CD163L1: variants seen among roughly 807,000 people sequenced by gnomAD.
The protein encoded by CD163L1 is CD163 molecule like 1.
A neutral mutation model predicts 165.4 loss-of-function variants in CD163L1; 124 were observed. That is an observed-to-expected ratio of 0.75 (90% CI 0.65 to 0.87). CD163L1 has a LOEUF of 0.87. Among genes scored for constraint, CD163L1 ranks in the 40% least tolerant of loss-of-function variants. CD163L1 has a pLI of 0.00. For synonymous variants in CD163L1, 585 were observed against 662.2 expected, an observed-to-expected ratio of 0.88 and a Z score of 1.79; for missense variants, 1,525 against 1,799.9, an observed-to-expected ratio of 0.85 and a Z score of 2.76.
the CD163L1 span, chr12:7,324,610 T>A: frequency 6.2e-7 from 1 of 1,612,734 alleles, no homozygotes. Flanking sequence ...TAGATGAATG[T>A]CATTTATTAA....
chr12:7,351,937 G>A (rs749653356), downstream of CD163L1, among the ~76,000 whole-genome samples: 29 of 152,068 alleles, frequency 1.9e-4, no homozygotes, highest in Non-Finnish European at 3.7e-4. Flanking sequence ...TTAGCAATAG[G>A]CTATAATCAT....
intron 2 of CD163L1, among the ~76,000 whole-genome samples, chr12:7,436,645 A>T (rs1948717236): frequency 6.6e-6 from 1 of 152,114 alleles, no homozygotes; most frequent in African/African-American, 2.4e-5. Flanking sequence ...AGTGGCACAC[A>T]TCTGTAGCTG....
intron 4 of CD163L1, among the ~76,000 whole-genome samples, chr12:7,416,430 C>G (rs1483483861): frequency 1.3e-5 from 2 of 152,074 alleles, no homozygotes; most frequent in African/African-American, 4.8e-5. Context: ...TAATTAGATC[C>G]CATTTGTCAA....
At chr12:7,434,020 A>C (rs1161972361) in intron 2 of CD163L1, among the ~76,000 whole-genome samples, 1 of 152,190 alleles carries the variant, frequency 6.6e-6, no homozygotes, top group Non-Finnish European at 1.5e-5. Flanking sequence ...GAATGAAAGA[A>C]AGTCCCTTGG....
chr12:7,430,502 G>A (rs1948610393), intron 4 of CD163L1, among the ~76,000 whole-genome samples: 3 of 152,228 alleles, frequency 2.0e-5, no homozygotes, highest in Admixed American at 2.0e-4. Flanking sequence ...AAATTAACCA[G>A]TTAAAACATA....
At position 7,357,499 on chromosome 12, in the gene CD163L1, C is replaced by A. The variant is rs1412625099; in HGVS notation, c.4280-13G>T. The stretch of plus-strand genomic sequence containing the variant: ...TTGGGGGTGTCATCTGAAAGAAAGG[C>A]AAAATCTGTATTATTGAATAGTAGA... On this transcript the variant is annotated splice_polypyrimidine_tract_variant and intron_variant, in intron 18 of 19. Coordinates refer to ENST00000313599, the MANE Select transcript of CD163L1 (RefSeq NM_174941.6). 6.2e-7 allele frequency: 1 copy of A among 1,610,510 alleles called. No homozygotes were observed. The highest frequency in any genetic ancestry group is 1.3e-5 in the African/African-American group (1 of 74,754).
chr12:7,373,755 C>T, intron 13 of CD163L1, 115 bp from the exon 14 acceptor site: 1 of 837,806 alleles, frequency 1.2e-6, no homozygotes, highest in Non-Finnish European at 1.8e-6. Flanking sequence ...AATACAATTT[C>T]ATAAATCACT....
At chr12:7,399,237 ATTC>A (rs1239439596) in intron 6 of CD163L1, among the ~76,000 whole-genome samples, 1 of 113,460 alleles carries the variant, frequency 8.8e-6, no homozygotes, top group South Asian at 2.6e-4. Context: ...GTCTTCTCTC[ATTC>A]TTCTTTCTCT....
At chr12:7,378,751 C>T (rs1411378718) in intron 9 of CD163L1, among the ~76,000 whole-genome samples, 1 of 152,062 alleles carries the variant, frequency 6.6e-6, no homozygotes, top group African/African-American at 2.4e-5. Flanking sequence ...TCTAATTATG[C>T]CTTCTCATTT....
intron 1 of CD163L1, among the ~76,000 whole-genome samples, chr12:7,443,877 GTTTAC>G (rs1039082436): frequency 1.3e-5 from 2 of 151,908 alleles, no homozygotes; most frequent in African/African-American, 2.4e-5. Flanking sequence ...TACATTTTCT[GTTTAC>G]TTTATTAATG....
chr12:7,331,243 C>G, the CD163L1 span, among the ~76,000 whole-genome samples: 1 of 152,252 alleles, frequency 6.6e-6, no homozygotes, highest in African/African-American at 2.4e-5. Flanking sequence ...GGAGGAGGGG[C>G]GCCTGCCATT....
rs768582672 is a variant in CD163L1 at position 7,392,935 on chromosome 12, C to T, written c.2050+3160G>A. 5.9e-5 allele frequency among the ~76,000 whole-genome samples: 9 copies of T among 152,146 alleles called. No homozygotes were observed. The East Asian group carries it at 1.2e-3, about 20-fold the overall frequency. On this transcript the variant is annotated intron_variant, in intron 8 of 19. Coordinates refer to ENST00000313599, the MANE Select transcript of CD163L1 (RefSeq NM_174941.6). ...TGAAATTGAGCCAATAATTAATAGC[C>T]TACCAACCAAAAAAAGTCCAGGACC...
chr12:7,381,760 T>A (rs949462734), intron 8 of CD163L1, among the ~76,000 whole-genome samples: 15 of 152,022 alleles, frequency 9.9e-5, no homozygotes, highest in South Asian at 2.1e-4. Flanking sequence ...AAATTGAGAT[T>A]CCCTGAAAAG....
chr12:7,360,037 A>G (rs1221445556), intron 18 of CD163L1, among the ~76,000 whole-genome samples: 1 of 152,112 alleles, frequency 6.6e-6, no homozygotes, highest in Non-Finnish European at 1.5e-5. Flanking sequence ...CTAGGAATTC[A>G]TGTCTTTCAA....
intron 8 of CD163L1, among the ~76,000 whole-genome samples, chr12:7,387,190 G>A (rs1474881764): frequency 2.0e-5 from 3 of 151,970 alleles, no homozygotes; most frequent in Non-Finnish European, 4.4e-5. Flanking sequence ...ACAAACTACT[G>A]AGAAAGACAC....
chr12:7,387,543 G>C (rs1308391952), intron 8 of CD163L1, among the ~76,000 whole-genome samples: 1 of 152,128 alleles, frequency 6.6e-6, no homozygotes, highest in Non-Finnish European at 1.5e-5. Context: ...CCATCCTTTT[G>C]ATAATGAGTG....
chr12:7,420,475 T>A (rs11611373), intron 4 of CD163L1, among the ~76,000 whole-genome samples: 16,963 of 151,408 alleles, frequency 0.11, 1,749 homozygotes, highest in African/African-American at 0.27. Flanking sequence ...AAAGACTAAT[T>A]TACAGGATCT....
intron 4 of CD163L1, among the ~76,000 whole-genome samples, chr12:7,414,089 G>A (rs1948191720): frequency 1.3e-5 from 2 of 151,996 alleles, no homozygotes; most frequent in Non-Finnish European, 2.9e-5. Context: ...ACTACCAAAG[G>A]AACAAAATAA....
At position 7,369,288 on chromosome 12, in the gene CD163L1, G is replaced by A. The variant is rs980378270; in HGVS notation, c.4039+69C>T. On this transcript the variant is annotated intron_variant, in intron 15 of 19. Coordinates refer to ENST00000313599, the MANE Select transcript of CD163L1 (RefSeq NM_174941.6). The surrounding 1 kb of genome is among the most constrained non-coding windows in gnomAD (Gnocchi z 4.9). ...GTATCTTCAGCTCAACTCTCTGAGT[G>A]AGCCTGTTTCCCAGTGTTCTCTACC... 6 of 1,484,984 alleles carry A rather than the reference G, an allele frequency of 4.0e-6. No individual in the cohort carries two copies. The African/African-American group carries it at 4.2e-5, about 10-fold the overall frequency. 92.0% of individuals were successfully genotyped at this position (1,484,984 alleles called of 1,614,324 possible).
Sources: gnomAD v4.1 joint callset for allele counts (sites outside exome capture counted in the v4.1 genomes callset) on GRCh38, gnomAD v4.1.1 for gene constraint, Gnocchi (gnomAD v3.1) non-coding constraint, MANE v1.5 for transcripts, NCBI Gene and HGNC (gene_info 2026-07-23, HGNC 2026-07-21) for gene names.